ZNF24: variants seen among roughly 807,000 people sequenced by gnomAD.
The protein encoded by ZNF24 is zinc finger protein 24.
A neutral mutation model predicts 40.9 loss-of-function variants in ZNF24; 11 were observed. That is an observed-to-expected ratio of 0.27 (90% CI 0.17 to 0.45). The LOEUF (loss-of-function observed/expected upper bound fraction) is 0.45, where lower values mean the gene tolerates loss of function less well. ZNF24 is among the 20% of genes least tolerant of loss of function. The pLI, the probability that ZNF24 is intolerant of heterozygous loss-of-function variation, is 1.00. For synonymous variants in ZNF24, 139 were observed against 154.7 expected, an observed-to-expected ratio of 0.90 and a Z score of 0.75; for missense variants, 293 against 437.7, an observed-to-expected ratio of 0.67 and a Z score of 2.95.
At position 35,340,812 on chromosome 18, in the gene ZNF24, G is replaced by GAT. The variant is rs2044962440; in HGVS notation, c.-83-81_-83-80dup. On this transcript the variant is annotated intron_variant, in intron 1 of 3. Coordinates refer to ENST00000261332, the MANE Select transcript of ZNF24 (RefSeq NM_006965.4). The surrounding 1 kb of genome is among the most constrained non-coding windows in gnomAD (Gnocchi z 4.6). ...TGAACTTATACTGGTAAAAGTAAAA[G>GAT]ATACTTGTTCTTTGAGTTAAAAATT... The GAT allele has an allele frequency of 3.0e-6, 2 of 662,606 alleles. No homozygotes were observed. The highest frequency in any genetic ancestry group is 6.7e-5 in the Admixed American group (2 of 29,800). 41.0% of individuals were successfully genotyped at this position (662,606 alleles called of 1,614,324 possible).
chr18:35,341,652 C>T (rs1199915911), intron 1 of ZNF24, among the ~76,000 whole-genome samples: 1 of 152,104 alleles, frequency 6.6e-6, no homozygotes, highest in East Asian at 1.9e-4. Context: ...GGCAATGATA[C>T]TGATAATCCA....
At chr18:35,341,318 C>G (rs11877024) in intron 1 of ZNF24, among the ~76,000 whole-genome samples, 152 of 152,272 alleles carry the variant, frequency 1.0e-3, no homozygotes, top group African/African-American at 3.5e-3. Context: ...AAGGTCAATA[C>G]ATTACTCACA....
In ZNF24 at chr18:35,337,082, T is replaced by A; in HGVS notation, c.*150A>T. On this transcript the variant is annotated 3_prime_UTR_variant, in exon 4 of 4. Coordinates refer to ENST00000261332, the MANE Select transcript of ZNF24 (RefSeq NM_006965.4). ...ACCATTTCTTTCAAGATAAATATCATAATGGTGAGTGAAGATTTTTACATT... is the reference window on the plus strand; with the variant it reads ...ACCATTTCTTTCAAGATAAATATCAAAATGGTGAGTGAAGATTTTTACATT... The A allele has an allele frequency of 1.6e-6, 1 of 630,562 alleles. No homozygotes were observed. The allele number at this position is 630,562 out of a possible 1,614,324, so 39.1% of individuals were successfully genotyped here.
chr18:35,337,313 T>C lies in ZNF24; in HGVS notation c.1026A>G (p.Lys342=), dbSNP rs764097902. 5.0e-6 allele frequency: 8 copies of C among 1,610,124 alleles called. No homozygotes were observed. Among genetic ancestry groups the C allele is most frequent in the African/African-American group, 2.7e-5 (2 of 74,830 alleles). The stretch of plus-strand genomic sequence containing the variant: ...AAAGATTTGAGCTTTGACTATACGA[T>C]TTCCCACACTGAACGCATTCATAAG... ...EKPYECVQCG[K]SYSQSSNLFR... The change falls in exon 4 of 4, where the codon AAA becomes AAG. Residue 342 remains lysine (K), a synonymous_variant. Coordinates refer to ENST00000261332, the MANE Select transcript of ZNF24 (RefSeq NM_006965.4).
In ZNF24 at chr18:35,332,246, T is replaced by G. The variant is rs534743893; in HGVS notation, c.*4986A>C. On this transcript the variant is annotated 3_prime_UTR_variant, in exon 4 of 4. Transcript: ENST00000261332. ...GCCAAATCATGGAAGGCCATGCTAA[T>G]TTTATTAACTTATATAGTGCATAAA... The G allele has an allele frequency of 6.6e-6, 1 of 152,374 alleles. No homozygotes were observed. Among genetic ancestry groups the G allele is most frequent in the African/African-American group, 2.4e-5 (1 of 41,598 alleles). 9.4% of individuals were successfully genotyped at this position (152,374 alleles called of 1,614,324 possible). A position where few individuals can be genotyped will look rare whatever the true frequency, so the allele number is the denominator to read the frequency against.
chr18:35,333,798 C>T lies in ZNF24; in HGVS notation c.*3434G>A, dbSNP rs1323451253. 1 of 152,110 alleles carries T rather than the reference C, an allele frequency of 6.6e-6. No homozygotes were observed. The highest frequency in any genetic ancestry group is 1.5e-5 in the Non-Finnish European group (1 of 68,024). The allele number at this position is 152,110 out of a possible 1,614,324, so 9.4% of individuals were successfully genotyped here. A position where few individuals can be genotyped will look rare whatever the true frequency, so the allele number is the denominator to read the frequency against. ...AAATACCCACACAAGTAGCAAAATA[C>T]ATGTACAGGAATGTTAATTACACTT... On this transcript the variant is annotated 3_prime_UTR_variant, in exon 4 of 4. Transcript: ENST00000261332.
chr18:35,339,874 G>A lies in ZNF24; in HGVS notation c.523C>T (p.Gln175Ter). 1 of 1,612,632 alleles carries A rather than the reference G, an allele frequency of 6.2e-7. No homozygotes were observed. The highest frequency in any genetic ancestry group is 1.1e-5 in the South Asian group (1 of 91,036). Reference protein sequence around the residue: ...PSSELDAVENQLKWASWELHS... With the variant: ...PSSELDAVEN ...AGCTCCCAGGATGCCCACTTGAGCT[G>A]GTTCTCCACAGCATCAAGCTCAGAA... The change falls in exon 3 of 4, where the codon CAG becomes TAG. Residue 175 changes from glutamine (Q) to a stop codon, truncating the protein, a stop_gained. Coordinates refer to ENST00000261332, the MANE Select transcript of ZNF24 (RefSeq NM_006965.4). LOFTEE classifies it high-confidence loss of function.
chr18:35,340,282 T>G lies in ZNF24; in HGVS notation c.369A>C (p.Ala123=). The G allele has an allele frequency of 6.2e-7, 1 of 1,614,226 alleles. No individual in the cohort carries two copies. Among genetic ancestry groups the G allele is most frequent in the Non-Finnish European group, 8.5e-7 (1 of 1,180,026 alleles). ...RDHHPENGEE[A]VTVLEDLESE... ...TCTCCAAATCCTCCAGCACTGTCAC[T>G]GCCTCCTCTCCATTCTCTGGATGAT... Residue 123 remains alanine (A), a synonymous_variant, in exon 2 of 4, where the codon GCA becomes GCC. Coordinates refer to ENST00000261332, the MANE Select transcript of ZNF24 (RefSeq NM_006965.4). This position sits in a 1 kb window ranked among gnomAD's most constrained non-coding sequence, Gnocchi z 4.6.
intron 3 of ZNF24, chr18:35,338,985 G>C (rs1302464840): frequency 2.0e-6 from 3 of 1,531,808 alleles, no homozygotes; most frequent in Admixed American, 4.0e-5. Flanking sequence ...TGACTGGCTG[G>C]CACTGTCCCC....
intron 3 of ZNF24, chr18:35,338,988 C>A (rs1225954800): frequency 2.0e-6 from 3 of 1,533,030 alleles, no homozygotes; most frequent in Non-Finnish European, 2.6e-6. Flanking sequence ...CTGGCTGGCA[C>A]TGTCCCCTCA....
intron 3 of ZNF24, chr18:35,338,712 GAC>G: frequency 8.7e-7 from 1 of 1,145,822 alleles, no homozygotes; most frequent in South Asian, 3.1e-5. Flanking sequence ...GAGGCTTGGA[GAC>G]TTGAAAAACA....
intron 1 of ZNF24, among the ~76,000 whole-genome samples, chr18:35,341,730 A>C (rs1237818375): frequency 6.6e-6 from 1 of 152,192 alleles, no homozygotes; most frequent in East Asian, 1.9e-4. Flanking sequence ...AAAAGAAAAA[A>C]AAAATTGGCC....
intron 3 of ZNF24, chr18:35,338,974 T>C (rs1026032103): frequency 2.4e-5 from 37 of 1,519,842 alleles, no homozygotes; most frequent in African/African-American, 1.8e-4. Flanking sequence ...ACCCCAAAAG[T>C]TGACTGGCTG....
Position 35,342,181 on chromosome 18 carries a change from C to T in ZNF24, c.-83-1448G>A, listed in dbSNP as rs369675955. Among the ~76,000 whole-genome samples the T allele has an allele frequency of 4.3e-3, 640 of 148,836 alleles. 10 individuals are homozygous for T. Among genetic ancestry groups the T allele is most frequent in the South Asian group, 0.039 (187 of 4,758 alleles). ...ACTGCACTCTAGCCTGGCGACAGAG[C>T]GAGACTCTGTCTATAAAAAAAAAAA... On this transcript the variant is annotated intron_variant, in intron 1 of 3. Coordinates refer to ENST00000261332, the MANE Select transcript of ZNF24 (RefSeq NM_006965.4).
chr18:35,338,771 A>G lies in ZNF24; in HGVS notation c.569-1001T>C, dbSNP rs1193478188. 1.1e-5 allele frequency: 14 copies of G among 1,261,854 alleles called. No homozygotes were observed. In the Admixed American group the frequency reaches 5.7e-4, roughly 52 times the overall value. The allele number at this position is 1,261,854 out of a possible 1,614,324, so 78.2% of individuals were successfully genotyped here. A position where few individuals can be genotyped will look rare whatever the true frequency, so the allele number is the denominator to read the frequency against. ...GAGACAAACGGCACACAGGAAACAGAAATTCCCAAGTGTGGAAGAGACTAG... is the reference window on the plus strand; with the variant it reads ...GAGACAAACGGCACACAGGAAACAGGAATTCCCAAGTGTGGAAGAGACTAG... On this transcript the variant is annotated intron_variant, in intron 3 of 3. Coordinates refer to ENST00000261332, the MANE Select transcript of ZNF24 (RefSeq NM_006965.4).
At position 35,340,099 on chromosome 18, in the gene ZNF24, C is replaced by T; in HGVS notation, c.421-123G>A. On this transcript the variant is annotated intron_variant, in intron 2 of 3. Coordinates refer to ENST00000261332, the MANE Select transcript of ZNF24 (RefSeq NM_006965.4). The surrounding 1 kb of genome is among the most constrained non-coding windows in gnomAD (Gnocchi z 4.6). ...CTAGATGGCAAAGCGGCACAGATAACAAGGAGTGGTAGGGGAATGGGGGAA... is the reference window on the plus strand; with the variant it reads ...CTAGATGGCAAAGCGGCACAGATAATAAGGAGTGGTAGGGGAATGGGGGAA... 1 of 1,485,546 alleles carries T rather than the reference C, an allele frequency of 6.7e-7. No individual in the cohort carries two copies. Among genetic ancestry groups the T allele is most frequent in the South Asian group, 1.3e-5 (1 of 76,978 alleles). The allele number at this position is 1,485,546 out of a possible 1,614,324, so 92.0% of individuals were successfully genotyped here. A position where few individuals can be genotyped will look rare whatever the true frequency, so the allele number is the denominator to read the frequency against.
Position 35,332,726 on chromosome 18 carries a change from CAGGGAAT to C in ZNF24, c.*4499_*4505del, listed in dbSNP as rs1221152014. ...CCTGGTCACATGCTCACCTAAGCCA[CAGGGAAT>C]AGGTTCCCCACAAATAAATAAAGGT... On this transcript the variant is annotated 3_prime_UTR_variant, in exon 4 of 4. Transcript: ENST00000261332. 6.6e-6 allele frequency: 1 copy of C among 152,606 alleles called. No individual in the cohort carries two copies. The highest frequency in any genetic ancestry group is 1.9e-4 in the East Asian group (1 of 5,198). 9.5% of individuals were successfully genotyped at this position (152,606 alleles called of 1,614,324 possible). A position where few individuals can be genotyped will look rare whatever the true frequency, so the allele number is the denominator to read the frequency against.
intron 1 of ZNF24, chr18:35,342,578 T>C (rs1417584403): frequency 6.6e-6 from 1 of 152,132 alleles, no homozygotes; most frequent in Non-Finnish European, 1.5e-5. Flanking sequence ...CATATTTTAC[T>C]CTTATCTTTT....
chr18:35,338,383 C>T, intron 3 of ZNF24: 5 of 985,246 alleles, frequency 5.1e-6, no homozygotes, highest in Non-Finnish European at 6.0e-6. Context: ...GAAAGTTTTC[C>T]AATAAAAGCA....
Sources: allele counts gnomAD v4.1 joint callset (sites outside exome capture counted in the v4.1 genomes callset), GRCh38; gene constraint gnomAD v4.1.1; non-coding constraint Gnocchi (gnomAD v3.1); transcripts MANE v1.5; gene names NCBI Gene and HGNC (gene_info 2026-07-23, HGNC 2026-07-21).